Variants in VXN observed in about 807,000 individuals in gnomAD.
VXN encodes the protein vexin, also known as uncharacterized protein C8orf46.
Under a neutral mutation model 23.1 loss-of-function variants are expected in VXN, and 7 were observed. The observed-to-expected ratio is 0.30, with a 90% CI of 0.17 to 0.57. VXN has a LOEUF of 0.57. VXN is among the 20% of genes least tolerant of loss of function. The probability of loss-of-function intolerance (pLI) is 0.91; values close to 1 mark genes in which losing one functional copy is unlikely to be tolerated. For synonymous variants in VXN, 120 were observed against 105.8 expected (o/e 1.13, Z -0.83); for missense variants, 238 against 272.6 (o/e 0.87, Z 0.89).
At chr8:66,512,040 G>A (rs1163626072) in intron 4 of VXN, among the ~76,000 whole-genome samples, 1 of 150,304 alleles carries the variant, frequency 6.7e-6, no homozygotes, top group African/African-American at 2.5e-5. Context: ...ACTCCAGCCT[G>A]GGAAACAAGA....
intron 3 of VXN, among the ~76,000 whole-genome samples, chr8:66,509,870 A>G (rs570866032): frequency 5.4e-4 from 82 of 152,148 alleles, no homozygotes; most frequent in African/African-American, 1.9e-3. Context: ...TAGTCAATGA[A>G]CCTACATAGA....
intron 4 of VXN, among the ~76,000 whole-genome samples, chr8:66,512,252 C>G (rs1019490795): frequency 1.3e-5 from 2 of 152,032 alleles, no homozygotes; most frequent in African/African-American, 2.4e-5. Context: ...TGAGATTGGC[C>G]TAAGGAAAGG....
chr8:66,498,732 C>G, intron 2 of VXN: 1 of 415,252 alleles, frequency 2.4e-6, no homozygotes, highest in Non-Finnish European at 4.9e-6. Flanking sequence ...AGGGGATATG[C>G]AGATTGGTGT....
intron 3 of VXN, among the ~76,000 whole-genome samples, chr8:66,508,629 C>T (rs1303359882): frequency 6.6e-6 from 1 of 152,196 alleles, no homozygotes; most frequent in East Asian, 1.9e-4. Context: ...ACCTGGCAAA[C>T]TCCACCTTCT....
intron 3 of VXN, among the ~76,000 whole-genome samples, chr8:66,506,160 G>GA (rs1436191370): frequency 2.0e-5 from 3 of 151,806 alleles, no homozygotes; most frequent in African/African-American, 7.3e-5. Flanking sequence ...GTGGGGGAGA[G>GA]AAAATCATGA....
At chr8:66,497,380 A>G (rs1807638400) in intron 2 of VXN, among the ~76,000 whole-genome samples, 1 of 152,242 alleles carries the variant, frequency 6.6e-6, no homozygotes, top group Admixed American at 6.5e-5. Flanking sequence ...GTTTTGTCAC[A>G]TACTGTCAGG....
intron 3 of VXN, among the ~76,000 whole-genome samples, chr8:66,506,887 G>A (rs1451925596): frequency 1.2e-5 from 1 of 82,360 alleles, no homozygotes; most frequent in Non-Finnish European, 2.1e-5. Flanking sequence ...AGACGAGATA[G>A]ATTTTTCTCT....
intron 2 of VXN, among the ~76,000 whole-genome samples, chr8:66,502,282 G>A (rs897730805): frequency 2.0e-5 from 3 of 152,190 alleles, no homozygotes; most frequent in Admixed American, 6.5e-5. Context: ...AAAGGTATGA[G>A]TCAGTTAAGC....
rs144924624 is a variant in VXN at position 66,500,696 on chromosome 8, C to T, written c.126+4204C>T. The stretch of plus-strand genomic sequence containing the variant: ...TCCCTCTTCCCTTCCTCCTCCTTTT[C>T]GGAGTTCCCAGTGTCTATTAGTCCC... On this transcript the variant is annotated intron_variant, in intron 2 of 5. Transcript: ENST00000305454. Among the ~76,000 whole-genome samples the T allele has an allele frequency of 1.4e-3, 214 of 152,096 alleles. 2 individuals are homozygous for T. Among genetic ancestry groups the T allele is most frequent in the African/African-American group, 5.0e-3 (207 of 41,478 alleles).
chr8:66,495,897 G>A (rs1312181374), intron 1 of VXN, among the ~76,000 whole-genome samples: 3 of 152,074 alleles, frequency 2.0e-5, no homozygotes, highest in Admixed American at 6.6e-5. Flanking sequence ...CTCTGAATCC[G>A]TTGAACACTA....
At position 66,507,532 on chromosome 8, in the gene VXN, C is replaced by T. The variant is rs1283054967; in HGVS notation, c.280+2004C>T. 2.0e-5 allele frequency among the ~76,000 whole-genome samples: 3 copies of T among 152,166 alleles called. No individual in the cohort carries two copies. In the South Asian group the frequency reaches 6.2e-4, roughly 31 times the overall value. On this transcript the variant is annotated intron_variant, in intron 3 of 5. Transcript: ENST00000305454. ...AGTGCCTCTTCCCCACAGGGAATGT[C>T]TTTCCAACTGTCGAGTTTTAAGGAT...
intron 1 of VXN, among the ~76,000 whole-genome samples, chr8:66,494,170 T>A (rs1280573601): frequency 6.6e-6 from 1 of 152,102 alleles, no homozygotes; most frequent in Non-Finnish European, 1.5e-5. Flanking sequence ...CTGCTTGAAG[T>A]CCAGTGAAGC....
Position 66,499,085 on chromosome 8 carries a change from AT to A in VXN, c.126+2601del, listed in dbSNP as rs539684063. On this transcript the variant is annotated intron_variant, in intron 2 of 5. Coordinates refer to ENST00000305454, the MANE Select transcript of VXN (RefSeq NM_152765.4). ...TCAAGAACCATGGGAAGGAGCAATG[AT>A]TTTTTTTCTTCTGCAACAAAAGCCA... is the stretch of plus-strand genomic sequence containing the variant. Among the ~76,000 whole-genome samples the A allele has an allele frequency of 5.4e-4, 81 of 149,870 alleles. No individual in the cohort carries two copies. In the East Asian group the frequency reaches 0.013, roughly 25 times the overall value.
chr8:66,507,615 T>C (rs1807773864), intron 3 of VXN, among the ~76,000 whole-genome samples: 2 of 152,216 alleles, frequency 1.3e-5, no homozygotes, highest in Admixed American at 6.5e-5. Flanking sequence ...GTCAGTCTTT[T>C]ATTCTGAAAG....
chr8:66,509,618 C>A (rs948416489), intron 3 of VXN, among the ~76,000 whole-genome samples: 42 of 152,340 alleles, frequency 2.8e-4, no homozygotes, highest in African/African-American at 9.6e-4. Context: ...CTCTTGTGAT[C>A]TGAGGCCTTG....
intron 3 of VXN, among the ~76,000 whole-genome samples, chr8:66,508,804 A>T (rs1807789022): frequency 6.6e-6 from 1 of 152,186 alleles, no homozygotes; most frequent in East Asian, 1.9e-4. Context: ...ATTCCAAACC[A>T]GCCTGGGCAA....
In VXN at chr8:66,513,528, T is replaced by C; in HGVS notation, c.343-12T>C. On this transcript the variant is annotated splice_polypyrimidine_tract_variant and intron_variant, in intron 4 of 5. Coordinates refer to ENST00000305454, the MANE Select transcript of VXN (RefSeq NM_152765.4). Reference sequence around the variant, plus strand: ...ATGCATCCTCACACTCCCTCCCGCTTCCTCATGACAGATACCGCCAGTGCC... The same window carrying C: ...ATGCATCCTCACACTCCCTCCCGCTCCCTCATGACAGATACCGCCAGTGCC... 2 of 1,612,814 alleles carry C rather than the reference T, an allele frequency of 1.2e-6. No homozygotes were observed. Among genetic ancestry groups the C allele is most frequent in the Non-Finnish European group, 1.7e-6 (2 of 1,178,818 alleles).
At chr8:66,510,398 A>G in intron 4 of VXN, 3 of 474,302 alleles carry the variant, frequency 6.3e-6, no homozygotes, top group Non-Finnish European at 1.1e-5. Context: ...TTAGGCAAAC[A>G]AAAGAAGCTA....
chr8:66,508,523 G>T (rs1429671505), intron 3 of VXN, among the ~76,000 whole-genome samples: 1 of 152,166 alleles, frequency 6.6e-6, no homozygotes, highest in Non-Finnish European at 1.5e-5. Flanking sequence ...ACAGCCCTGA[G>T]CTGGGGGTAG....
Sources: allele counts gnomAD v4.1 joint callset (sites outside exome capture counted in the v4.1 genomes callset), GRCh38; gene constraint gnomAD v4.1.1; transcripts MANE v1.5; gene names NCBI Gene and HGNC (gene_info 2026-07-23, HGNC 2026-07-21).